The following SNCAIP variants were observed in gnomAD, a reference collection of about 807,000 sequenced individuals.
SNCAIP encodes synphilin-1.
A neutral mutation model predicts 86.7 loss-of-function variants in SNCAIP; 43 were observed. The ratio of observed to expected loss-of-function variants is 0.50; its 90% CI spans 0.39 to 0.64. The LOEUF is 0.64. Ranked by LOEUF, SNCAIP falls within the 30% of genes least tolerant of loss-of-function variation. The pLI is 0.00. For synonymous variants in SNCAIP, 417 were observed against 427.2 expected, an observed-to-expected ratio of 0.98 and a Z score of 0.29; for missense variants, 981 against 1,103.1, an observed-to-expected ratio of 0.89 and a Z score of 1.57.
At chr5:122,400,720 C>T (rs1434095461) in intron 2 of SNCAIP, among the ~76,000 whole-genome samples, 3 of 152,230 alleles carry the variant, frequency 2.0e-5, no homozygotes, top group East Asian at 1.9e-4. Context: ...TGGGGGACCC[C>T]CAAGTAAAGG....
intron 1 of SNCAIP, among the ~76,000 whole-genome samples, chr5:122,373,740 C>G (rs1214706380): frequency 6.6e-6 from 1 of 152,180 alleles, no homozygotes; most frequent in African/African-American, 2.4e-5. Context: ...ATTCAGCTGG[C>G]TGCAAAGTTC....
chr5:122,427,425 C>CA (rs1349489946), intron 5 of SNCAIP, among the ~76,000 whole-genome samples: 17 of 151,224 alleles, frequency 1.1e-4, no homozygotes, highest in Non-Finnish European at 1.9e-4. Flanking sequence ...CCATAAGACT[C>CA]AAAAACTTTT....
intron 3 of SNCAIP, among the ~76,000 whole-genome samples, chr5:122,405,476 G>A (rs1183510734): frequency 6.6e-6 from 1 of 152,152 alleles, no homozygotes; most frequent in African/African-American, 2.4e-5. Flanking sequence ...TGTGAGCTAA[G>A]TACTATTAGG....
intron 2 of SNCAIP, among the ~76,000 whole-genome samples, chr5:122,402,105 G>C (rs772460929): frequency 7.2e-5 from 11 of 151,860 alleles, no homozygotes; most frequent in Non-Finnish European, 1.6e-4. Context: ...AAAAAAAAGA[G>C]TGAGACTTTG....
rs114333562 is a variant in SNCAIP, at chr5:122,316,138, T to C, written c.-47+3854T>C. The stretch of plus-strand genomic sequence containing the variant: ...TATGAATGTTAGCTATTGTTTAGTG[T>C]TTAAATCACAGTGCACTATTGTATA... On this transcript the variant is annotated intron_variant, in intron 1 of 10. Transcript: ENST00000261368. Among the ~76,000 whole-genome samples, 772 of 152,350 alleles carry C rather than the reference T, an allele frequency of 5.1e-3. 3 individuals carry two copies. Among genetic ancestry groups the C allele is most frequent in the Non-Finnish European group, 8.4e-3 (569 of 68,032 alleles).
intron 1 of SNCAIP, among the ~76,000 whole-genome samples, chr5:122,360,102 A>C (rs975549060): frequency 6.6e-5 from 10 of 152,188 alleles, no homozygotes; most frequent in Non-Finnish European, 1.3e-4. Flanking sequence ...GGAGCACCTG[A>C]AACCACTTTT....
At chr5:122,338,967 C>T (rs1176584744) in intron 1 of SNCAIP, among the ~76,000 whole-genome samples, 17 of 152,032 alleles carry the variant, frequency 1.1e-4, no homozygotes, top group Admixed American at 1.1e-3. Flanking sequence ...GGGGGTAGGG[C>T]AAGATTCACA....
Position 122,343,715 on chromosome 5 carries a change from A to G in SNCAIP, c.-47+31431A>G, listed in dbSNP as rs1258872165. 4.6e-5 allele frequency among the ~76,000 whole-genome samples: 7 copies of G among 152,148 alleles called. No individual in the cohort carries two copies. The East Asian group carries it at 1.2e-3, about 25-fold the overall frequency. ...TCGGGTTGTTTGTTGATCTCTGTGC[A>G]CTGTAGAATACTTTTCAGTATCTCT... is the stretch of plus-strand genomic sequence containing the variant. On this transcript the variant is annotated intron_variant, in intron 1 of 10. Transcript: ENST00000261368.
intron 1 of SNCAIP, among the ~76,000 whole-genome samples, chr5:122,318,164 C>T (rs1293408563): frequency 6.6e-6 from 1 of 151,976 alleles, no homozygotes; most frequent in East Asian, 1.9e-4. Context: ...TTCAGCAACG[C>T]CTTCTTCTAG....
At chr5:122,463,463 T>C in intron 10 of SNCAIP, 28 bp from the exon 11 acceptor site, 1 of 1,330,232 alleles carries the variant, frequency 7.5e-7, no homozygotes, top group Non-Finnish European at 1.1e-6. Flanking sequence ...TTTATCTAAT[T>C]TTGGCCTGTG....
chr5:122,397,220 G>A (rs1770802998), intron 2 of SNCAIP, among the ~76,000 whole-genome samples: 1 of 152,084 alleles, frequency 6.6e-6, no homozygotes, highest in African/African-American at 2.4e-5. Flanking sequence ...TGTAACCACT[G>A]CGTTGAAAAT....
At chr5:122,346,557 T>C (rs1265685334) in intron 1 of SNCAIP, among the ~76,000 whole-genome samples, 2 of 152,040 alleles carry the variant, frequency 1.3e-5, no homozygotes. Flanking sequence ...TCTTTTCTCT[T>C]TATTCAAGGA....
At chr5:122,432,951 T>G (rs1778702334) in intron 6 of SNCAIP, among the ~76,000 whole-genome samples, 1 of 152,170 alleles carries the variant, frequency 6.6e-6, no homozygotes, top group African/African-American at 2.4e-5. Context: ...CTTCATAAAC[T>G]TTCCTAGTAG....
chr5:122,443,532 G>A (rs1781564062), intron 7 of SNCAIP: 1 of 451,920 alleles, frequency 2.2e-6, no homozygotes, highest in African/African-American at 2.0e-5. Flanking sequence ...TAAAATCTCA[G>A]TCTTACTTCT....
intron 1 of SNCAIP, among the ~76,000 whole-genome samples, chr5:122,359,740 G>A (rs1432727236): frequency 6.6e-6 from 1 of 152,120 alleles, no homozygotes; most frequent in Non-Finnish European, 1.5e-5. Flanking sequence ...GTATGAATTA[G>A]TGAACAGTTT....
At chr5:122,349,690 C>G (rs966050012) in intron 1 of SNCAIP, among the ~76,000 whole-genome samples, 1 of 152,186 alleles carries the variant, frequency 6.6e-6, no homozygotes, top group African/African-American at 2.4e-5. Context: ...GGTTGAAGAT[C>G]TGGCAGGCAG....
chr5:122,316,644 A>G (rs1288987305), intron 1 of SNCAIP, among the ~76,000 whole-genome samples: 1 of 152,222 alleles, frequency 6.6e-6, no homozygotes, highest in African/African-American at 2.4e-5. Flanking sequence ...CTCGTGGAAA[A>G]TAAAGAAAAG....
At chr5:122,442,109 AC>A (rs1356735920) in intron 7 of SNCAIP, among the ~76,000 whole-genome samples, 1 of 93,498 alleles carries the variant, frequency 1.1e-5, no homozygotes, top group African/African-American at 4.0e-5. Flanking sequence ...AGAAAGCAGT[AC>A]TCTTTTTTTT....
intron 5 of SNCAIP, among the ~76,000 whole-genome samples, chr5:122,426,110 A>G (rs1377320553): frequency 2.6e-5 from 4 of 152,252 alleles, no homozygotes; most frequent in Non-Finnish European, 5.9e-5. Flanking sequence ...GACAAGAAAC[A>G]TGGACTTTTA....
Sources: gnomAD v4.1 joint callset for allele counts (sites outside exome capture counted in the v4.1 genomes callset) on GRCh38, gnomAD v4.1.1 for gene constraint, MANE v1.5 for transcripts, NCBI Gene and HGNC (gene_info 2026-07-23, HGNC 2026-07-21) for gene names.